Variants in PRR5L observed in about 807,000 individuals in gnomAD.
PRR5L encodes proline-rich protein 5-like.
PRR5L carries 21 observed loss-of-function variants against 36.4 expected under a neutral mutation model. The ratio of observed to expected loss-of-function variants is 0.58; its 90% CI spans 0.41 to 0.83. The LOEUF (loss-of-function observed/expected upper bound fraction) is 0.83, where lower values mean the gene tolerates loss of function less well. PRR5L is among the 40% of genes least tolerant of loss of function. PRR5L has a pLI of 0.00. For synonymous variants in PRR5L, 188 were observed against 197.0 expected, an observed-to-expected ratio of 0.95 and a Z score of 0.38; for missense variants, 381 against 473.3, an observed-to-expected ratio of 0.80 and a Z score of 1.81.
At chr11:36,340,805 G>A (rs1856809993) in intron 1 of PRR5L, among the ~76,000 whole-genome samples, 1 of 152,116 alleles carries the variant, frequency 6.6e-6, no homozygotes, top group African/African-American at 2.4e-5. Flanking sequence ...ATGCAAGCAG[G>A]GAAAGACTGT....
intron 1 of PRR5L, among the ~76,000 whole-genome samples, chr11:36,399,778 T>A (rs1393411289): frequency 6.6e-6 from 1 of 152,222 alleles, no homozygotes; most frequent in East Asian, 1.9e-4. Context: ...ATTTAGACTT[T>A]AGAGTCACTA....
At position 36,401,186 on chromosome 11, in the gene PRR5L, C is replaced by T. The variant is rs768971599; in HGVS notation, c.65C>T (p.Pro22Leu). Residue 22 changes from proline (P) to leucine (L), a missense_variant, in exon 2 of 9, where the codon CCT becomes CTT. By Grantham distance (98) the Pro-to-Leu change is moderately conservative. Coordinates refer to ENST00000530639, the MANE Select transcript of PRR5L (RefSeq NM_001160167.2). Reference protein sequence around the residue: ...EFHKMGSFRRPRPRFMSSPVL... With the variant: ...EFHKMGSFRRLRPRFMSSPVL... ...CACAAGATGGGCTCCTTCCGCAGGC[C>T]TAGACCGCGCTTCATGAGCTCCCCC... The T allele has an allele frequency of 1.9e-6, 3 of 1,614,162 alleles. No individual in the cohort carries two copies. Among genetic ancestry groups the T allele is most frequent in the Non-Finnish European group, 2.5e-6 (3 of 1,180,026 alleles).
intron 1 of PRR5L, among the ~76,000 whole-genome samples, chr11:36,351,552 TA>T (rs1565408575): frequency 2.7e-4 from 3 of 11,142 alleles, no homozygotes; most frequent in South Asian, 3.1e-3. Flanking sequence ...TATTTATATA[TA>T]TTTATATATT....
chr11:36,312,254 C>T (rs1253584163), intron 1 of PRR5L, among the ~76,000 whole-genome samples: 1 of 152,098 alleles, frequency 6.6e-6, no homozygotes, highest in Non-Finnish European at 1.5e-5. Context: ...AAAATTCTTG[C>T]TTTGTTCCTC....
At chr11:36,429,073 G>T (rs1023992021) in intron 4 of PRR5L, among the ~76,000 whole-genome samples, 1 of 151,832 alleles carries the variant, frequency 6.6e-6, no homozygotes, top group Non-Finnish European at 1.5e-5. Flanking sequence ...TTTTCCTAAG[G>T]TCTCCTTGAA....
chr11:36,446,524 C>T, intron 7 of PRR5L, 84 bp downstream of exon 7: 1 of 1,538,118 alleles, frequency 6.5e-7, no homozygotes, highest in Non-Finnish European at 8.9e-7. Context: ...GGGGAAGGAA[C>T]CTAGTGACCA....
chr11:36,302,982 C>T (rs1337822800), intron 1 of PRR5L, among the ~76,000 whole-genome samples: 5 of 152,124 alleles, frequency 3.3e-5, no homozygotes, highest in Non-Finnish European at 5.9e-5. Context: ...GTGAAGTCAC[C>T]TGCTCAAGGT....
chr11:36,374,405 TTAAAG>T (rs1723676294), intron 1 of PRR5L, among the ~76,000 whole-genome samples: 1 of 151,854 alleles, frequency 6.6e-6, no homozygotes, highest in Non-Finnish European at 1.5e-5. Flanking sequence ...AATTTTTTTC[TTAAAG>T]TAAACCATAC....
chr11:36,335,092 T>A (rs1856755742), intron 1 of PRR5L, among the ~76,000 whole-genome samples: 1 of 148,796 alleles, frequency 6.7e-6, no homozygotes, highest in South Asian at 2.1e-4. Context: ...AGTGGAGATT[T>A]TTTTTTTCTT....
At chr11:36,349,279 C>CA (rs56844732) in intron 1 of PRR5L, among the ~76,000 whole-genome samples, 67,441 of 106,246 alleles carry the variant, frequency 0.63, 20,005 homozygotes, top group East Asian at 0.87. Context: ...AAGACTCTGC[C>CA]AAAAAAAAAA....
intron 1 of PRR5L, among the ~76,000 whole-genome samples, chr11:36,312,985 C>T (rs1379527817): frequency 6.6e-6 from 1 of 152,240 alleles, no homozygotes; most frequent in Non-Finnish European, 1.5e-5. Context: ...TCCAGAGGAG[C>T]CGCTTTACTG....
chr11:36,352,960 A>G (rs1415255985), intron 1 of PRR5L, among the ~76,000 whole-genome samples: 1 of 152,178 alleles, frequency 6.6e-6, no homozygotes, highest in African/African-American at 2.4e-5. Flanking sequence ...GGCCCACTTG[A>G]CTGAGAAGGA....
rs540056791 is a variant in PRR5L, at chr11:36,377,953, C to T, written c.-125-23044C>T. On this transcript the variant is annotated intron_variant, in intron 1 of 8. Coordinates refer to ENST00000530639, the MANE Select transcript of PRR5L (RefSeq NM_001160167.2). The surrounding 1 kb of genome is among the most constrained non-coding windows in gnomAD (Gnocchi z 5.1). ...ACATTCAGATGACCCATGCTAAGGA[C>T]CAAAGGGATGCCACCGGCCCAATGT... 3.3e-5 allele frequency among the ~76,000 whole-genome samples: 5 copies of T among 152,256 alleles called. No individual in the cohort carries two copies. Among genetic ancestry groups the T allele is most frequent in the African/African-American group, 1.2e-4 (5 of 41,560 alleles).
Position 36,462,606 on chromosome 11 carries a change from C to T in PRR5L, c.977C>T (p.Pro326Leu). The T allele has an allele frequency of 6.2e-7, 1 of 1,612,708 alleles. No homozygotes were observed. The highest frequency in any genetic ancestry group is 8.5e-7 in the Non-Finnish European group (1 of 1,179,940). Residue 326 changes from proline to leucine, a missense_variant, in exon 9 of 9, where the codon CCA becomes CTA. Coordinates refer to ENST00000530639, the MANE Select transcript of PRR5L (RefSeq NM_001160167.2). ...AGTGAGAACAAGTGCCTGCTCCTGC[C>T]ACCCAGCTTCCCCCCGCCCCACCGG... ...ASSENKCLLL[P>L]PSFPPPHRQC...
At chr11:36,354,519 G>A (rs1481496077) in intron 1 of PRR5L, among the ~76,000 whole-genome samples, 1 of 152,222 alleles carries the variant, frequency 6.6e-6, no homozygotes, top group Non-Finnish European at 1.5e-5. Flanking sequence ...CACAGAAGCA[G>A]TGAGAGGAAT....
intron 1 of PRR5L, among the ~76,000 whole-genome samples, chr11:36,340,693 G>C (rs987415423): frequency 6.6e-6 from 1 of 152,296 alleles, no homozygotes. Flanking sequence ...TGCTCTAAAA[G>C]GAGAGAGAAG....
At chr11:36,369,671 C>T (rs753217604) in intron 1 of PRR5L, among the ~76,000 whole-genome samples, 17 of 152,096 alleles carry the variant, frequency 1.1e-4, no homozygotes, top group Non-Finnish European at 1.8e-4. Flanking sequence ...TCTCAGCTCA[C>T]CACACCTCTG....
At position 36,401,041 on chromosome 11, in the gene PRR5L, GGC is replaced by G; in HGVS notation, c.-80_-79del. On this transcript the variant is annotated 5_prime_UTR_variant, in exon 2 of 9. Coordinates refer to ENST00000530639, the MANE Select transcript of PRR5L (RefSeq NM_001160167.2). ...TTTTAAGAAAGCCTGAGGGCCTGAA[GGC>G]AGCCCCTGGAGAAGCCCTTTCCGAG... is the stretch of plus-strand genomic sequence containing the variant. The G allele has an allele frequency of 1.9e-6, 3 of 1,551,856 alleles. No homozygotes were observed. The highest frequency in any genetic ancestry group is 2.3e-5 in the East Asian group (1 of 43,828).
At chr11:36,353,799 ACCT>A (rs938852191) in intron 1 of PRR5L, among the ~76,000 whole-genome samples, 26 of 152,110 alleles carry the variant, frequency 1.7e-4, no homozygotes, top group African/African-American at 6.3e-4. Context: ...CCCACCACTC[ACCT>A]CCTGCTCTGT....
Sources: gnomAD v4.1 joint callset for allele counts (sites outside exome capture counted in the v4.1 genomes callset) on GRCh38, gnomAD v4.1.1 for gene constraint, Gnocchi (gnomAD v3.1) non-coding constraint, MANE v1.5 for transcripts, NCBI Gene and HGNC (gene_info 2026-07-23, HGNC 2026-07-21) for gene names.